Variants in DISC1 observed in about 807,000 individuals in gnomAD.
DISC1 encodes DISC1 scaffold protein.
Under a neutral mutation model 84.5 loss-of-function variants are expected in DISC1, and 57 were observed. The ratio of observed to expected loss-of-function variants is 0.67; its 90% confidence interval spans 0.55 to 0.84. DISC1 has a LOEUF of 0.84. DISC1 is among the 40% of genes least tolerant of loss of function. DISC1 has a pLI of 0.00. For synonymous variants in DISC1, 411 were observed against 415.2 expected, an observed-to-expected ratio of 0.99 and a Z score of 0.12; for missense variants, 1,000 against 1,057.8, an observed-to-expected ratio of 0.95 and a Z score of 0.76.
At chr1:231,845,351 A>G (rs922935378) in intron 9 of DISC1, among the ~76,000 whole-genome samples, 1 of 152,164 alleles carries the variant, frequency 6.6e-6, no homozygotes, top group African/African-American at 2.4e-5. Flanking sequence ...AACATTTTTG[A>G]ATGAATACAT....
intron 9 of DISC1, among the ~76,000 whole-genome samples, chr1:231,903,227 C>T (rs1211165248): frequency 6.6e-6 from 1 of 152,024 alleles, no homozygotes; most frequent in Non-Finnish European, 1.5e-5. Flanking sequence ...ATGCCTGGCC[C>T]ATTTTTCTTC....
chr1:231,822,978 C>T (rs902390180), intron 9 of DISC1, among the ~76,000 whole-genome samples: 2 of 152,326 alleles, frequency 1.3e-5, no homozygotes, highest in Non-Finnish European at 2.9e-5. Flanking sequence ...ACCCAGACAC[C>T]TCCCATTAGG....
chr1:231,713,993 T>C (rs937392439), intron 3 of DISC1, among the ~76,000 whole-genome samples: 1 of 151,682 alleles, frequency 6.6e-6, no homozygotes. Flanking sequence ...GACATTATCC[T>C]ATATGTAGAA....
rs533683185 is a variant in DISC1 at position 231,795,793 on chromosome 1, G to T, written c.1689+497G>T. Among the ~76,000 whole-genome samples the T allele has an allele frequency of 8.5e-5, 13 of 152,238 alleles. No individual in the cohort carries two copies. In the South Asian group the frequency reaches 2.7e-3, roughly 32 times the overall value. ...AATCCCAGCTACTCAGGAGGCTGAGGTAGGAGAATTGCTTTAACCCAGGTG... is the reference window on the plus strand; with the variant it reads ...AATCCCAGCTACTCAGGAGGCTGAGTTAGGAGAATTGCTTTAACCCAGGTG... On this transcript the variant is annotated intron_variant, in intron 7 of 12. Coordinates refer to ENST00000439617, the MANE Select transcript of DISC1 (RefSeq NM_018662.3).
intron 10 of DISC1, among the ~76,000 whole-genome samples, chr1:231,987,653 G>T (rs955476906): frequency 6.6e-6 from 1 of 152,134 alleles, no homozygotes; most frequent in African/African-American, 2.4e-5. Context: ...GGGACTCCAG[G>T]TATCTTTTTC....
intron 3 of DISC1, among the ~76,000 whole-genome samples, chr1:231,717,919 CTA>C (rs1490289111): frequency 1.3e-5 from 2 of 152,116 alleles, no homozygotes; most frequent in African/African-American, 4.8e-5. Context: ...GATCTAAAGA[CTA>C]TCTTTTTCCC....
chr1:231,736,153 C>G (rs1558451497), intron 3 of DISC1, among the ~76,000 whole-genome samples: 1 of 152,134 alleles, frequency 6.6e-6, no homozygotes, highest in Non-Finnish European at 1.5e-5. Flanking sequence ...GTGGCTGTTG[C>G]ATGCCTGACA....
intron 6 of DISC1, among the ~76,000 whole-genome samples, chr1:231,784,900 C>T (rs1289119812): frequency 6.6e-6 from 1 of 152,206 alleles, no homozygotes; most frequent in African/African-American, 2.4e-5. Context: ...TCTCAGATAA[C>T]CAGCTTGAGT....
intron 3 of DISC1, among the ~76,000 whole-genome samples, chr1:231,734,085 CTCATT>C (rs1317621703): frequency 2.6e-5 from 4 of 152,010 alleles, no homozygotes; most frequent in Non-Finnish European, 5.9e-5. Context: ...AGTGGACAAA[CTCATT>C]TCTCTTGCCT....
At chr1:231,697,279 A>G (rs1024198174) in intron 2 of DISC1, among the ~76,000 whole-genome samples, 1 of 152,158 alleles carries the variant, frequency 6.6e-6, no homozygotes, top group African/African-American at 2.4e-5. Context: ...TCTCGCTTCT[A>G]CTTAAGTAAA....
In DISC1 at chr1:231,702,167, T is replaced by G. The variant is rs182654003; in HGVS notation, c.1117+143T>G. Reference sequence around the variant, plus strand: ...CTCTACCAGGGAATAGTTGACTCTTTTACAGCATTATTGTTTTGTAGATTT... The same window carrying G: ...CTCTACCAGGGAATAGTTGACTCTTGTACAGCATTATTGTTTTGTAGATTT... On this transcript the variant is annotated intron_variant, in intron 3 of 12. Transcript: ENST00000439617. 2.8e-4 allele frequency: 394 copies of G among 1,424,544 alleles called. 1 individual carries two copies. In the African/African-American group the frequency reaches 5.3e-3, roughly 19 times the overall value. The allele number at this position is 1,424,544 out of a possible 1,614,324, so 88.2% of individuals were successfully genotyped here.
At chr1:231,687,468 T>C (rs2064433570) in intron 1 of DISC1, among the ~76,000 whole-genome samples, 1 of 152,194 alleles carries the variant, frequency 6.6e-6, no homozygotes. Context: ...GAGAACAGTA[T>C]GGGGGAAATT....
At chr1:231,633,985 G>C (rs1234546400) in intron 1 of DISC1, among the ~76,000 whole-genome samples, 1 of 150,126 alleles carries the variant, frequency 6.7e-6, no homozygotes, top group South Asian at 2.1e-4. Flanking sequence ...CCAGGTTCAA[G>C]CAATTCTTCT....
At chr1:231,961,828 C>T (rs1660424147) in intron 10 of DISC1, among the ~76,000 whole-genome samples, 1 of 152,160 alleles carries the variant, frequency 6.6e-6, no homozygotes, top group Non-Finnish European at 1.5e-5. Flanking sequence ...GTGAATAGTG[C>T]TGTGATGAAC....
intron 1 of DISC1, among the ~76,000 whole-genome samples, chr1:231,645,658 A>G (rs1481130014): frequency 2.0e-5 from 3 of 151,962 alleles, no homozygotes; most frequent in African/African-American, 7.3e-5. Context: ...TCCTAATGCT[A>G]TCCCTCCCCG....
Position 231,803,039 on chromosome 1 carries a change from C to T in DISC1, c.1792+2829C>T, listed in dbSNP as rs149044003. ...TAATAAAAAATAAGTCACTTTAAGA[C>T]GTAGTGACTTAAAATATTACCAGTT... On this transcript the variant is annotated intron_variant, in intron 8 of 12. Coordinates refer to ENST00000439617, the MANE Select transcript of DISC1 (RefSeq NM_018662.3). Among the ~76,000 whole-genome samples the T allele has an allele frequency of 2.8e-3, 421 of 152,172 alleles. 1 individual carries two copies. Among genetic ancestry groups the T allele is most frequent in the Middle Eastern group, 0.017 (5 of 294 alleles).
At chr1:231,782,592 T>G (rs919200797) in intron 6 of DISC1, among the ~76,000 whole-genome samples, 23 of 152,128 alleles carry the variant, frequency 1.5e-4, no homozygotes, top group African/African-American at 4.8e-4. Context: ...AAAATATAAA[T>G]ACTTAGAAAT....
At chr1:231,667,667 C>A (rs2062143948) in intron 1 of DISC1, among the ~76,000 whole-genome samples, 2 of 152,138 alleles carry the variant, frequency 1.3e-5, no homozygotes, top group South Asian at 4.1e-4. Flanking sequence ...TTGGAAAGGG[C>A]CTTAGCTATC....
chr1:231,791,126 A>G (rs984252006), intron 6 of DISC1, among the ~76,000 whole-genome samples: 2 of 152,176 alleles, frequency 1.3e-5, no homozygotes, highest in Non-Finnish European at 2.9e-5. Flanking sequence ...TGAGGGTGAA[A>G]TTTGGTCATA....
Sources: gnomAD v4.1 joint callset for allele counts (sites outside exome capture counted in the v4.1 genomes callset) on GRCh38, gnomAD v4.1.1 for gene constraint, MANE v1.5 for transcripts, NCBI Gene and HGNC (gene_info 2026-07-23, HGNC 2026-07-21) for gene names.